FBXO16: variants seen among roughly 807,000 people sequenced by gnomAD.
The protein encoded by FBXO16 is F-box only protein 16.
FBXO16 carries 31 observed loss-of-function variants against 41.0 expected under a neutral mutation model. The ratio of observed to expected loss-of-function variants is 0.76; its 90% CI spans 0.57 to 1.02. FBXO16 has a LOEUF of 1.02. Among genes scored for constraint, FBXO16 ranks in the 50% least tolerant of loss-of-function variants. The pLI is 0.00. For missense variants in FBXO16, 361 were observed against 346.2 expected (o/e 1.04, Z -0.34); for synonymous variants, 133 against 117.8 (o/e 1.13, Z -0.84).
At chr8:28,489,107 G>C (rs1180434072) in intron 1 of FBXO16, among the ~76,000 whole-genome samples, 1 of 152,198 alleles carries the variant, frequency 6.6e-6, no homozygotes, top group African/African-American at 2.4e-5. Context: ...TGAGGTGGGT[G>C]AATCACCTGA....
chr8:28,459,623 AAATAATAATAATAATAAT>A (rs57120891), intron 4 of FBXO16, among the ~76,000 whole-genome samples: 1 of 137,884 alleles, frequency 7.3e-6, no homozygotes, highest in Non-Finnish European at 1.5e-5. Context: ...CCTGTCTCAA[AAATAATAATAATAATAAT>A]AATAATAATA....
intron 2 of FBXO16, among the ~76,000 whole-genome samples, chr8:28,477,580 A>T (rs7011316): frequency 6.6e-6 from 1 of 151,814 alleles, no homozygotes; most frequent in Non-Finnish European, 1.5e-5. Flanking sequence ...GTGTGTGTGT[A>T]TGTATAATAT....
At chr8:28,482,741 T>A (rs896303480) in intron 2 of FBXO16, among the ~76,000 whole-genome samples, 7 of 151,778 alleles carry the variant, frequency 4.6e-5, no homozygotes, top group African/African-American at 1.5e-4. Context: ...CAGCTAATTT[T>A]TTTTTTTTTG....
intron 7 of FBXO16, among the ~76,000 whole-genome samples, chr8:28,437,577 A>G (rs1489521410): frequency 6.6e-6 from 1 of 152,348 alleles, no homozygotes; most frequent in Non-Finnish European, 1.5e-5. Context: ...GCATGGAGTA[A>G]GAAACAAAAC....
intron 3 of FBXO16, among the ~76,000 whole-genome samples, chr8:28,471,866 A>T (rs1803342250): frequency 6.9e-6 from 1 of 145,722 alleles, no homozygotes; most frequent in Admixed American, 6.9e-5. Context: ...TCACCCAGGG[A>T]TGGCCATTGA....
rs1803514057 is a variant in FBXO16, at chr8:28,481,605, G to A, written c.99+1743C>T. Among the ~76,000 whole-genome samples, 4 of 151,766 alleles carry A rather than the reference G, an allele frequency of 2.6e-5. 2 individuals carry two copies. Among genetic ancestry groups the A allele is most frequent in the Admixed American group, 2.6e-4 (4 of 15,228 alleles). ...GGCGGGTGGATCATGAGGTCAAGAGGTCGAGACCATCCTGGCCAACATCGT... is the reference window on the plus strand; with the variant it reads ...GGCGGGTGGATCATGAGGTCAAGAGATCGAGACCATCCTGGCCAACATCGT... On this transcript the variant is annotated intron_variant, in intron 2 of 8. Transcript: ENST00000380254.
At chr8:28,464,311 G>T (rs565373764) in intron 3 of FBXO16, among the ~76,000 whole-genome samples, 27 of 152,336 alleles carry the variant, frequency 1.8e-4, no homozygotes, top group African/African-American at 6.0e-4. Flanking sequence ...GTAAATGACT[G>T]ATATGATTGG....
At chr8:28,460,554 A>T (rs2130147631) in intron 4 of FBXO16, among the ~76,000 whole-genome samples, 1 of 147,552 alleles carries the variant, frequency 6.8e-6, no homozygotes, top group South Asian at 2.2e-4. Context: ...CCCGCCAAAT[A>T]GCTGGGATTA....
intron 7 of FBXO16, among the ~76,000 whole-genome samples, chr8:28,436,477 C>G (rs942686069): frequency 1.3e-5 from 2 of 152,122 alleles, no homozygotes; most frequent in African/African-American, 4.8e-5. Context: ...TTTAAGTAAC[C>G]TTGGGGTAAT....
chr8:28,452,298 A>C lies in FBXO16; in HGVS notation c.686T>G (p.Ile229Ser). The C allele has an allele frequency of 6.2e-7, 1 of 1,614,140 alleles. No homozygotes were observed. The highest frequency in any genetic ancestry group is 8.5e-7 in the Non-Finnish European group (1 of 1,180,028). The change falls in exon 6 of 9, where the codon ATC (isoleucine) becomes AGC (serine). Residue 229 changes from isoleucine to serine, a missense_variant. Ile to Ser is a moderately radical substitution (Grantham distance 142). Coordinates refer to ENST00000380254, the MANE Select transcript of FBXO16 (RefSeq NM_172366.4). Reference sequence around the variant, plus strand: ...GTTGTCTAGGTAATTAAAACGAATGATATCTGTTGGGTGCTTATCAGAAGA... The same window carrying C: ...GTTGTCTAGGTAATTAAAACGAATGCTATCTGTTGGGTGCTTATCAGAAGA... Reference protein sequence around the residue: ...WRSSDKHPTDIIRFNYLDNRD... With the variant: ...WRSSDKHPTDSIRFNYLDNRD...
intron 5 of FBXO16, among the ~76,000 whole-genome samples, chr8:28,455,328 C>T (rs1438632137): frequency 2.6e-5 from 4 of 151,964 alleles, no homozygotes; most frequent in African/African-American, 9.7e-5. Context: ...CCTCAACCTT[C>T]TGAGCTCAAG....
In FBXO16 at chr8:28,428,567, C is replaced by T. The variant is rs975109421; in HGVS notation, c.*160G>A. ...AATAAAAGTCTTTCCATGTTCAGTC[C>T]ACTTTGGCTCTGGAACCTGGATGAG... On this transcript the variant is annotated 3_prime_UTR_variant, in exon 9 of 9. Coordinates refer to ENST00000380254, the MANE Select transcript of FBXO16 (RefSeq NM_172366.4). The T allele has an allele frequency of 6.5e-7, 1 of 1,549,888 alleles. No homozygotes were observed. Among genetic ancestry groups the T allele is most frequent in the Admixed American group, 2.0e-5 (1 of 50,904 alleles).
chr8:28,464,778 C>T (rs1443210213), intron 3 of FBXO16, among the ~76,000 whole-genome samples: 3 of 152,054 alleles, frequency 2.0e-5, no homozygotes, highest in African/African-American at 7.3e-5. Context: ...CTCAGCCTCC[C>T]GAGTAGCTGG....
intron 5 of FBXO16, among the ~76,000 whole-genome samples, chr8:28,456,175 G>A (rs1280443018): frequency 2.0e-5 from 3 of 149,664 alleles, no homozygotes; most frequent in Admixed American, 1.3e-4. Context: ...ATAAGCATTG[G>A]TTAGAATGCC....
At chr8:28,433,733 A>G (rs1054474569) in intron 7 of FBXO16, among the ~76,000 whole-genome samples, 6 of 152,262 alleles carry the variant, frequency 3.9e-5, no homozygotes, top group African/African-American at 1.4e-4. Flanking sequence ...GGCTGAAACA[A>G]CCTTGCAGGT....
intron 7 of FBXO16, among the ~76,000 whole-genome samples, chr8:28,440,573 C>T (rs1421035437): frequency 1.3e-5 from 2 of 152,114 alleles, no homozygotes; most frequent in Non-Finnish European, 2.9e-5. Flanking sequence ...CCCCCCACCC[C>T]TTTTGAGTGA....
intron 2 of FBXO16, among the ~76,000 whole-genome samples, chr8:28,481,917 C>G (rs1205960208): frequency 1.3e-5 from 2 of 152,100 alleles, no homozygotes; most frequent in Non-Finnish European, 2.9e-5. Context: ...GTAATGTCTC[C>G]CTTTGGGAGC....
intron 7 of FBXO16, among the ~76,000 whole-genome samples, chr8:28,435,171 A>AT (rs71222552): frequency 0.26 from 36,123 of 140,898 alleles, 5,866 homozygotes; most frequent in African/African-American, 0.47. Flanking sequence ...ATGAGGGCAG[A>AT]TTTTTTTTTT....
At position 28,429,402 on chromosome 8, in the gene FBXO16, A is replaced by C; in HGVS notation, c.845T>G (p.Met282Arg). 2 of 1,614,042 alleles carry C rather than the reference A, an allele frequency of 1.2e-6. No homozygotes were observed. Among genetic ancestry groups the C allele is most frequent in the South Asian group, 1.1e-5 (1 of 91,086 alleles). ...CAGTGGGAAGGGATTTCTCCTCGAC[A>C]TCTGGCCGCGAGCAGGAAAGGGAAG... ...RTRLRKAQSM[M>R]SRRNPFPLCP Residue 282 changes from methionine to arginine, a missense_variant and splice_region_variant, in exon 8 of 9, where the codon ATG (methionine) becomes AGG (arginine). Coordinates refer to ENST00000380254, the MANE Select transcript of FBXO16 (RefSeq NM_172366.4).
Sources: gnomAD v4.1 joint callset for allele counts (sites outside exome capture counted in the v4.1 genomes callset) on GRCh38, gnomAD v4.1.1 for gene constraint, MANE v1.5 for transcripts, NCBI Gene and HGNC (gene_info 2026-07-23, HGNC 2026-07-21) for gene names.